TP73: variants seen among roughly 807,000 people sequenced by gnomAD.
TP73 encodes p53-like transcription factor.
In TP73, 25 loss-of-function variants were observed where a neutral mutation model predicts 62.5. The ratio of observed to expected loss-of-function variants is 0.40; its 90% CI spans 0.29 to 0.56. The LOEUF is 0.56. TP73 is among the 20% of genes least tolerant of loss of function. TP73 has a pLI of 0.46. For missense variants in TP73, 754 were observed against 913.3 expected (o/e 0.83, Z 2.25); for synonymous variants, 423 against 377.5 (o/e 1.12, Z -1.40).
chr1:3,712,853 C>A (rs1172933792), intron 4 of TP73, among the ~76,000 whole-genome samples: 2 of 152,130 alleles, frequency 1.3e-5, no homozygotes, highest in Non-Finnish European at 2.9e-5. Flanking sequence ...GCAGCCAGAC[C>A]CCTAACCTTG....
intron 1 of TP73, among the ~76,000 whole-genome samples, chr1:3,656,880 CAA>C (rs1205469821): frequency 6.6e-6 from 1 of 152,230 alleles, no homozygotes; most frequent in Non-Finnish European, 1.5e-5. Context: ...ATGTAGGCAG[CAA>C]ACTACAGTCA....
At chr1:3,707,942 G>T in intron 4 of TP73, 151 bp downstream of exon 4, 1 of 1,329,856 alleles carries the variant, frequency 7.5e-7, no homozygotes, top group Non-Finnish European at 1.0e-6. Flanking sequence ...CATCGGGCAG[G>T]AGGCGGGTCT....
chr1:3,718,163 C>T (rs1375377835), intron 4 of TP73, among the ~76,000 whole-genome samples: 1 of 152,222 alleles, frequency 6.6e-6, no homozygotes, highest in Non-Finnish European at 1.5e-5. Context: ...CCGGCCGCCG[C>T]CTGCACCGAG....
intron 6 of TP73, 51 bp downstream of exon 6, chr1:3,723,520 T>TGGGG: frequency 5.1e-6 from 3 of 588,124 alleles, no homozygotes; most frequent in Admixed American, 5.3e-5. Context: ...GCTGTACGGG[T>TGGGG]CGGGGGAGGG....
chr1:3,694,870 A>C (rs1374177323), intron 3 of TP73, among the ~76,000 whole-genome samples: 1 of 138,638 alleles, frequency 7.2e-6, no homozygotes, highest in African/African-American at 2.8e-5. Context: ...ATGCAGCCTC[A>C]GCCCCTCCTC....
chr1:3,730,807 G>A lies in TP73; in HGVS notation c.1346-120G>A, dbSNP rs140121478. ...CTAGCTGGCAGGGGTGATGCCCAGC[G>A]TCACATCGCCAGGCCTTGGGATGGC... On this transcript the variant is annotated intron_variant, in intron 11 of 13. Coordinates refer to ENST00000378295, the MANE Select transcript of TP73 (RefSeq NM_005427.4). 1.5e-3 allele frequency: 2,011 copies of A among 1,320,140 alleles called. 28 individuals carry two copies. In the African/African-American group the frequency reaches 0.023, roughly 15 times the overall value. 81.8% of individuals were successfully genotyped at this position (1,320,140 alleles called of 1,614,324 possible).
At chr1:3,675,717 G>A (rs1645349866) in intron 1 of TP73, among the ~76,000 whole-genome samples, 1 of 152,114 alleles carries the variant, frequency 6.6e-6, no homozygotes, top group African/African-American at 2.4e-5. Flanking sequence ...CCCATGGGGA[G>A]TGCCTCTTCC....
chr1:3,733,042 CCAT>C lies in TP73; in HGVS notation c.1877_1879del (p.Ile626del). Reference sequence around the variant, plus strand: ...CCCGACTGCAAGGCCCGCAAGCAGCCCATCAAGGAGGAGTTCACGGAGGCCGAG... The same window carrying C: ...CCCGACTGCAAGGCCCGCAAGCAGCCCAAGGAGGAGTTCACGGAGGCCGAG... On this transcript the variant is annotated inframe_deletion, in exon 14 of 14. Coordinates refer to ENST00000378295, the MANE Select transcript of TP73 (RefSeq NM_005427.4). The C allele has an allele frequency of 6.5e-7, 1 of 1,543,844 alleles. No homozygotes were observed.
chr1:3,687,982 A>G (rs546208124), intron 3 of TP73, among the ~76,000 whole-genome samples: 1 of 152,176 alleles, frequency 6.6e-6, no homozygotes, highest in East Asian at 1.9e-4. Context: ...AGGGAGAGGT[A>G]TTCTCCCCAG....
chr1:3,689,197 C>T (rs1645744083), intron 3 of TP73, among the ~76,000 whole-genome samples: 4 of 152,132 alleles, frequency 2.6e-5, no homozygotes, highest in Admixed American at 2.6e-4. Flanking sequence ...CTGGGCTCTC[C>T]TGCAAGGAGG....
chr1:3,724,643 A>AC (rs1490114078), intron 6 of TP73, among the ~76,000 whole-genome samples: 3 of 152,072 alleles, frequency 2.0e-5, no homozygotes, highest in Non-Finnish European at 4.4e-5. Context: ...ATTTTCCCAA[A>AC]CCCCTAATAG....
intron 1 of TP73, among the ~76,000 whole-genome samples, chr1:3,658,063 G>A (rs1036351683): frequency 2.6e-5 from 4 of 152,228 alleles, no homozygotes; most frequent in Admixed American, 6.5e-5. Context: ...AGGAGACGCC[G>A]TCCCAGTGGT....
intron 3 of TP73, among the ~76,000 whole-genome samples, chr1:3,692,411 A>G (rs1201874152): frequency 1.3e-5 from 2 of 152,058 alleles, no homozygotes; most frequent in Admixed American, 1.3e-4. Context: ...TTTATCTGAA[A>G]CCCAGTGCTG....
At chr1:3,729,104 G>C (rs557552550) in intron 9 of TP73, among the ~76,000 whole-genome samples, 2 of 152,214 alleles carry the variant, frequency 1.3e-5, no homozygotes, top group African/African-American at 4.8e-5. Context: ...GAGCAGGCAT[G>C]GTTCTTGGGG....
chr1:3,729,837 T>G, intron 10 of TP73, 163 bp from the exon 11 acceptor site: 2 of 1,076,456 alleles, frequency 1.9e-6, no homozygotes, highest in Non-Finnish European at 2.6e-6. Context: ...CCAGTGGCCG[T>G]GCATGGCCAT....
At chr1:3,715,908 A>G (rs1375059095) in intron 4 of TP73, among the ~76,000 whole-genome samples, 1 of 152,064 alleles carries the variant, frequency 6.6e-6, no homozygotes. Flanking sequence ...GCAGCCGTGC[A>G]TGGGACGAGG....
Position 3,726,400 on chromosome 1 carries a change from T to C in TP73, c.733-715T>C, listed in dbSNP as rs751961455. Among the ~76,000 whole-genome samples, 454 of 81,412 alleles carry C rather than the reference T, an allele frequency of 5.6e-3. 1 individual carries two copies. The highest frequency in any genetic ancestry group is 8.0e-3 in the Non-Finnish European group (349 of 43,616). 53.4% of individuals were successfully genotyped at this position (81,412 alleles called of 152,430 possible). ...GGTAGATAATAAATGGGGGAGTGGA[T>C]GGATGGATGGATGGATGGGGTGGGT... On this transcript the variant is annotated intron_variant, in intron 6 of 13. Coordinates refer to ENST00000378295, the MANE Select transcript of TP73 (RefSeq NM_005427.4).
intron 4 of TP73, among the ~76,000 whole-genome samples, chr1:3,718,581 G>A (rs938382617): frequency 6.6e-6 from 1 of 152,124 alleles, no homozygotes; most frequent in Non-Finnish European, 1.5e-5. Context: ...GCAGGGGCCA[G>A]GCAGGAGCTG....
chr1:3,665,819 CT>C (rs140454580), intron 1 of TP73, among the ~76,000 whole-genome samples: 37 of 96,914 alleles, frequency 3.8e-4, no homozygotes, highest in Middle Eastern at 6.7e-3. Flanking sequence ...CGTGCCCGGC[CT>C]TTTTTTTTTT....
Sources: gnomAD v4.1 joint callset for allele counts (sites outside exome capture counted in the v4.1 genomes callset) on GRCh38, gnomAD v4.1.1 for gene constraint, MANE v1.5 for transcripts, NCBI Gene and HGNC (gene_info 2026-07-23, HGNC 2026-07-21) for gene names.